TMEM114: variants seen among roughly 807,000 people sequenced by gnomAD.
The protein encoded by TMEM114 is claudin-26.
A neutral mutation model predicts 6.2 loss-of-function variants in TMEM114; 6 were observed. The observed-to-expected ratio is 0.97, with a 90% CI of 0.53 to 1.91. The LOEUF (loss-of-function observed/expected upper bound fraction) is 1.91, where lower values mean the gene tolerates loss of function less well. Among genes scored for constraint, TMEM114 ranks in the 40% most tolerant of loss-of-function variants. The probability of loss-of-function intolerance (pLI) is 0.01; values close to 1 mark genes in which losing one functional copy is unlikely to be tolerated. For synonymous variants in TMEM114, 104 were observed against 73.0 expected, an observed-to-expected ratio of 1.42 and a Z score of -2.16; for missense variants, 218 against 158.3, an observed-to-expected ratio of 1.38 and a Z score of -2.02.
At chr16:8,553,255 A>G (rs1224525494) in intron 2 of TMEM114, among the ~76,000 whole-genome samples, 1 of 152,202 alleles carries the variant, frequency 6.6e-6, no homozygotes, top group African/African-American at 2.4e-5. Context: ...TTTAATGGGC[A>G]TTCTTTCATA....
chr16:8,564,100 A>G (rs1419874510), intron 2 of TMEM114, among the ~76,000 whole-genome samples: 1 of 151,446 alleles, frequency 6.6e-6, no homozygotes, highest in East Asian at 1.9e-4. Flanking sequence ...TGAGTGAATG[A>G]GTGAGGAAAT....
At chr16:8,574,806 T>C (rs1218158514) in intron 2 of TMEM114, among the ~76,000 whole-genome samples, 1 of 152,162 alleles carries the variant, frequency 6.6e-6, no homozygotes, top group Non-Finnish European at 1.5e-5. Flanking sequence ...TGCTGCAAGC[T>C]GCCTTGATGT....
At chr16:8,559,372 C>T (rs750390680) in intron 2 of TMEM114, among the ~76,000 whole-genome samples, 4 of 152,016 alleles carry the variant, frequency 2.6e-5, no homozygotes, top group Non-Finnish European at 5.9e-5. Context: ...AGACTAGCTG[C>T]TTCCATCGCA....
intron 2 of TMEM114, among the ~76,000 whole-genome samples, chr16:8,561,435 C>G (rs1258557735): frequency 2.0e-5 from 3 of 152,234 alleles, no homozygotes; most frequent in Non-Finnish European, 4.4e-5. Flanking sequence ...TGTTTACTGT[C>G]TGTCATACCC....
chr16:8,579,025 A>G (rs919400045), intron 2 of TMEM114, among the ~76,000 whole-genome samples: 4 of 152,196 alleles, frequency 2.6e-5, no homozygotes, highest in African/African-American at 7.2e-5. Context: ...TGTTTCATCA[A>G]TGGTAAACGT....
At chr16:8,534,079 C>A (rs1247195414), downstream of TMEM114, among the ~76,000 whole-genome samples, 2 of 152,200 alleles carry the variant, frequency 1.3e-5, no homozygotes, top group African/African-American at 4.8e-5. Context: ...TCTAGCCCTG[C>A]AGCCTTGCCA....
chr16:8,564,797 G>C (rs145798452), downstream of TMEM114, among the ~76,000 whole-genome samples: 1,181 of 147,194 alleles, frequency 8.0e-3, 23 homozygotes, highest in African/African-American at 0.028. Context: ...GAATTAGTGA[G>C]TAAATGAGTG....
chr16:8,534,802 C>T (rs568729644), downstream of TMEM114, among the ~76,000 whole-genome samples: 2 of 152,334 alleles, frequency 1.3e-5, no homozygotes, highest in Non-Finnish European at 2.9e-5. Flanking sequence ...TGGTTGTACT[C>T]CTAGATACTG....
chr16:8,551,651 G>A (rs1215515523), intron 2 of TMEM114, among the ~76,000 whole-genome samples: 1 of 152,198 alleles, frequency 6.6e-6, no homozygotes, highest in African/African-American at 2.4e-5. Flanking sequence ...TGTGAGGCAG[G>A]ACAAAAATTC....
chr16:8,527,260 C>A, the TMEM114 span, among the ~76,000 whole-genome samples: 1 of 152,102 alleles, frequency 6.6e-6, no homozygotes, highest in Non-Finnish European at 1.5e-5. Flanking sequence ...ACTCATGGGC[C>A]CTTACAGCAA....
intron 2 of TMEM114, among the ~76,000 whole-genome samples, chr16:8,559,714 C>A (rs1365347091): frequency 1.3e-5 from 2 of 151,874 alleles, no homozygotes; most frequent in African/African-American, 2.4e-5. Context: ...ATCCCCATGC[C>A]ACCCTCACAA....
downstream of TMEM114, among the ~76,000 whole-genome samples, chr16:8,565,516 A>T (rs1167648789): frequency 6.6e-6 from 1 of 152,140 alleles, no homozygotes; most frequent in African/African-American, 2.4e-5. Flanking sequence ...CACGCGCCGT[A>T]GTCCCACTTC....
At chr16:8,548,711 A>G (rs1399181814) in intron 2 of TMEM114, among the ~76,000 whole-genome samples, 2 of 116,580 alleles carry the variant, frequency 1.7e-5, no homozygotes, top group Non-Finnish European at 3.6e-5. Context: ...TATACACAGA[A>G]AAAAAATACA....
chr16:8,560,601 G>A (rs538067345), intron 2 of TMEM114, among the ~76,000 whole-genome samples: 146 of 152,312 alleles, frequency 9.6e-4, no homozygotes, highest in African/African-American at 3.4e-3. Context: ...GGGAGATTCT[G>A]AGGCTGGAGT....
At chr16:8,557,890 A>C (rs62020598) in intron 2 of TMEM114, among the ~76,000 whole-genome samples, 5,911 of 152,292 alleles carry the variant, frequency 0.039, 158 homozygotes, top group Non-Finnish European at 0.048. Context: ...CTGCCCTGAC[A>C]AACCACCACA....
At chr16:8,558,403 C>A (rs373221042) in intron 2 of TMEM114, among the ~76,000 whole-genome samples, 1 of 152,212 alleles carries the variant, frequency 6.6e-6, no homozygotes, top group Non-Finnish European at 1.5e-5. Flanking sequence ...CAACCCCTGC[C>A]TCTGTCTTCA....
intron 2 of TMEM114, among the ~76,000 whole-genome samples, chr16:8,563,717 G>A (rs1044475216): frequency 4.6e-5 from 7 of 151,090 alleles, no homozygotes; most frequent in African/African-American, 1.7e-4. Flanking sequence ...GAGTGAGTGA[G>A]TGAATGAGTC....
At chr16:8,549,593 C>T (rs1418533600) in intron 2 of TMEM114, among the ~76,000 whole-genome samples, 1 of 151,322 alleles carries the variant, frequency 6.6e-6, no homozygotes. Flanking sequence ...GTTTAAAGTT[C>T]AACCTTTTAT....
chr16:8,571,956 G>C (rs1901748499), intron 3 of TMEM114, 131 bp downstream of exon 3: 1 of 1,172,694 alleles, frequency 8.5e-7, no homozygotes, highest in African/African-American at 1.6e-5. Flanking sequence ...TCTTCCAACT[G>C]ATATCCCAGA....
Sources: gnomAD v4.1 joint callset for allele counts (sites outside exome capture counted in the v4.1 genomes callset) on GRCh38, gnomAD v4.1.1 for gene constraint, MANE v1.5 for transcripts, NCBI Gene and HGNC (gene_info 2026-07-23, HGNC 2026-07-21) for gene names.